Variants in GABRG3 observed in about 807,000 individuals in gnomAD.
GABRG3 encodes the protein gamma-aminobutyric acid type A receptor subunit gamma3.
Under a neutral mutation model 48.8 loss-of-function variants are expected in GABRG3, and 25 were observed. The observed-to-expected ratio is 0.51, with a 90% CI of 0.37 to 0.72. GABRG3 has a LOEUF of 0.72. GABRG3 is among the 30% of genes least tolerant of loss of function. GABRG3 has a pLI of 0.00. For synonymous variants in GABRG3, 227 were observed against 217.6 expected (o/e 1.04, Z -0.38); for missense variants, 394 against 577.9 (o/e 0.68, Z 3.26).
chr15:27,220,523 C>T lies in GABRG3; in HGVS notation c.271-106286C>T, dbSNP rs78941350. 6.5e-3 allele frequency among the ~76,000 whole-genome samples: 987 copies of T among 152,262 alleles called. 7 individuals carry two copies. Among genetic ancestry groups the T allele is most frequent in the Middle Eastern group, 0.048 (14 of 292 alleles). ...TCAGGAAGAAATTTAGAACAAAGAA[C>T]GTGGTCAGAATTCAGTCCCGTTTCC... is the stretch of plus-strand genomic sequence containing the variant. On this transcript the variant is annotated intron_variant, in intron 3 of 9. Transcript: ENST00000615808.
rs536594755 is a variant in GABRG3, at chr15:27,218,531, A to T, written c.271-108278A>T. On this transcript the variant is annotated intron_variant, in intron 3 of 9. Coordinates refer to ENST00000615808, the MANE Select transcript of GABRG3 (RefSeq NM_033223.5). ...CTTTACTCAGCAGTGATGGAGGCTT[A>T]TGTCCCAGGGCTGCTGCTGCTTGTG... Among the ~76,000 whole-genome samples, 169 of 152,176 alleles carry T rather than the reference A, an allele frequency of 1.1e-3. 1 individual carries two copies. The highest frequency in any genetic ancestry group is 1.8e-3 in the Non-Finnish European group (121 of 68,020).
At chr15:27,399,403 T>G (rs1887414432) in intron 5 of GABRG3, among the ~76,000 whole-genome samples, 1 of 152,212 alleles carries the variant, frequency 6.6e-6, no homozygotes, top group South Asian at 2.1e-4. Flanking sequence ...AGATGCATAA[T>G]AACGGCCTCC....
At chr15:27,238,356 C>T (rs1381165082) in intron 3 of GABRG3, among the ~76,000 whole-genome samples, 1 of 152,374 alleles carries the variant, frequency 6.6e-6, no homozygotes, top group East Asian at 1.9e-4. Context: ...CTGCCTTGCC[C>T]CACGCCCAGC....
chr15:27,149,179 A>G (rs529849852), intron 3 of GABRG3, among the ~76,000 whole-genome samples: 1 of 152,252 alleles, frequency 6.6e-6, no homozygotes, highest in East Asian at 1.9e-4. Flanking sequence ...ATATAAACAG[A>G]ACATATTGAA....
intron 6 of GABRG3, among the ~76,000 whole-genome samples, chr15:27,518,195 C>CAAA (rs58222645): frequency 3.9e-4 from 34 of 88,020 alleles, no homozygotes; most frequent in African/African-American, 1.1e-3. Flanking sequence ...ACTAAAAATA[C>CAAA]AAAAAAAAAA....
intron 3 of GABRG3, among the ~76,000 whole-genome samples, chr15:27,292,065 G>T (rs1166386180): frequency 2.6e-5 from 4 of 152,164 alleles, no homozygotes; most frequent in African/African-American, 7.2e-5. Flanking sequence ...GTATTAGTTT[G>T]CTGAGAATGA....
chr15:27,092,566 T>C (rs1435965972), intron 3 of GABRG3, among the ~76,000 whole-genome samples: 1 of 152,190 alleles, frequency 6.6e-6, no homozygotes, highest in Non-Finnish European at 1.5e-5. Flanking sequence ...CTCTGGAGGC[T>C]CTGTGTCGTG....
At chr15:27,243,139 C>G (rs995359063) in intron 3 of GABRG3, among the ~76,000 whole-genome samples, 14 of 152,114 alleles carry the variant, frequency 9.2e-5, no homozygotes, top group African/African-American at 3.4e-4. Context: ...TCTTCTGCCT[C>G]TAGTGATAAA....
At chr15:27,261,682 A>G (rs915175080) in intron 3 of GABRG3, among the ~76,000 whole-genome samples, 3 of 152,034 alleles carry the variant, frequency 2.0e-5, no homozygotes, top group African/African-American at 4.8e-5. Context: ...ATGAGTAAAA[A>G]CTATCCCTTT....
intron 3 of GABRG3, among the ~76,000 whole-genome samples, chr15:27,308,575 T>C (rs1892841605): frequency 6.8e-6 from 1 of 147,532 alleles, no homozygotes; most frequent in Non-Finnish European, 1.5e-5. Context: ...ATAAACATAA[T>C]GTAAACATAC....
intron 3 of GABRG3, among the ~76,000 whole-genome samples, chr15:27,256,387 G>T (rs1490852667): frequency 6.6e-6 from 1 of 150,678 alleles, no homozygotes; most frequent in East Asian, 2.0e-4. Flanking sequence ...CTTGCAGTGA[G>T]CCGAGATGGC....
chr15:27,242,503 CT>C (rs1890156094), intron 3 of GABRG3, among the ~76,000 whole-genome samples: 1 of 152,184 alleles, frequency 6.6e-6, no homozygotes, highest in Admixed American at 6.5e-5. Flanking sequence ...TTAAAAGTTA[CT>C]CATATTACTT....
At chr15:27,064,772 CAG>C (rs1896709368) in intron 3 of GABRG3, among the ~76,000 whole-genome samples, 1 of 152,160 alleles carries the variant, frequency 6.6e-6, no homozygotes, top group African/African-American at 2.4e-5. Context: ...TTTCAGGACT[CAG>C]GGCCTCTGCA....
intron 3 of GABRG3, among the ~76,000 whole-genome samples, chr15:27,274,966 A>G (rs532912493): frequency 3.9e-5 from 6 of 152,328 alleles, no homozygotes; most frequent in East Asian, 1.9e-4. Context: ...TTTGGTAGAC[A>G]TAAAGACCAA....
chr15:27,097,000 C>A (rs1241057070), intron 3 of GABRG3, among the ~76,000 whole-genome samples: 2 of 138,630 alleles, frequency 1.4e-5, no homozygotes, highest in Non-Finnish European at 3.1e-5. Flanking sequence ...GCCACCATAC[C>A]CGGCTATTTT....
intron 3 of GABRG3, among the ~76,000 whole-genome samples, chr15:27,044,736 A>T (rs1245664451): frequency 6.6e-6 from 1 of 152,232 alleles, no homozygotes; most frequent in African/African-American, 2.4e-5. Context: ...ATGTTAATGG[A>T]CAGAGAAAAG....
chr15:27,229,565 C>G (rs993206935), intron 3 of GABRG3, among the ~76,000 whole-genome samples: 2 of 151,950 alleles, frequency 1.3e-5, no homozygotes, highest in African/African-American at 4.8e-5. Context: ...CAACTTCTAC[C>G]TCCCGGGTTC....
intron 3 of GABRG3, among the ~76,000 whole-genome samples, chr15:27,268,059 G>A (rs1394342267): frequency 6.6e-6 from 1 of 152,170 alleles, no homozygotes; most frequent in Non-Finnish European, 1.5e-5. Context: ...CTCATATAAT[G>A]AGTTGGGATG....
intron 3 of GABRG3, among the ~76,000 whole-genome samples, chr15:27,082,882 C>T (rs1348688434): frequency 1.3e-5 from 2 of 152,182 alleles, no homozygotes; most frequent in Non-Finnish European, 2.9e-5. Context: ...TTCTCTGTCA[C>T]TCATGCCTTC....
Sources: gnomAD v4.1 joint callset for allele counts (sites outside exome capture counted in the v4.1 genomes callset) on GRCh38, gnomAD v4.1.1 for gene constraint, MANE v1.5 for transcripts, NCBI Gene and HGNC (gene_info 2026-07-23, HGNC 2026-07-21) for gene names.